Variants in OR4F15 observed in about 807,000 individuals in gnomAD.
OR4F15 encodes olfactory receptor family 4 subfamily F member 15.
Under a neutral mutation model 11.9 loss-of-function variants are expected in OR4F15, and 7 were observed. That is an observed-to-expected ratio of 0.59 (90% CI 0.33 to 1.10). OR4F15 has a LOEUF of 1.10. Among genes scored for constraint, OR4F15 ranks in the 50% least tolerant of loss-of-function variants. The pLI, the probability that OR4F15 is intolerant of heterozygous loss-of-function variation, is 0.03. For synonymous variants in OR4F15, 151 were observed against 134.6 expected (o/e 1.12, Z -0.84); for missense variants, 445 against 377.5 (o/e 1.18, Z -1.48).
At chr15:101,815,921 C>T (rs1902981084) in intron 1 of OR4F15, among the ~76,000 whole-genome samples, 1 of 152,132 alleles carries the variant, frequency 6.6e-6, no homozygotes, top group Non-Finnish European at 1.5e-5. Flanking sequence ...TCAGAAGTCA[C>T]TAATGTGTAG....
intron 1 of OR4F15, among the ~76,000 whole-genome samples, chr15:101,812,752 T>C (rs1448537412): frequency 1.3e-5 from 2 of 152,194 alleles, no homozygotes; most frequent in Non-Finnish European, 2.9e-5. Flanking sequence ...ATCTGGGTTT[T>C]TAACTCACCC....
rs199912241 is a variant in OR4F15 at position 101,819,097 on chromosome 15, G to A, written c.911G>A (p.Arg304His). The part of the protein sequence containing the change: ...MKVAMRRLCS[R>H]LAHFTKIL ...GTGGCAATGAGGAGACTGTGCAGTC[G>A]TCTTGCGCATTTTACAAAGATTTTG... is the stretch of plus-strand genomic sequence containing the variant. The change falls in exon 2 of 2, where the codon CGT becomes CAT. Residue 304 changes from arginine to histidine, a missense_variant. Arg to His is a conservative substitution (Grantham distance 29). Transcript: ENST00000332238. 356 of 1,608,774 alleles carry A rather than the reference G, an allele frequency of 2.2e-4. 1 individual carries two copies. Among genetic ancestry groups the A allele is most frequent in the East Asian group, 1.5e-3 (66 of 44,758 alleles).
intron 1 of OR4F15, among the ~76,000 whole-genome samples, chr15:101,816,924 C>A (rs1208318492): frequency 6.6e-6 from 1 of 152,066 alleles, no homozygotes; most frequent in Non-Finnish European, 1.5e-5. Flanking sequence ...TCTTTTCGGT[C>A]CATATTTTAT....
At position 101,818,185 on chromosome 15, in the gene OR4F15, C is replaced by A. The variant is rs149976046; in HGVS notation, c.-2C>A. 4.8e-4 allele frequency: 762 copies of A among 1,585,844 alleles called. 2 individuals are homozygous for A. Among genetic ancestry groups the A allele is most frequent in the Non-Finnish European group, 6.1e-4 (708 of 1,159,760 alleles). The stretch of plus-strand genomic sequence containing the variant: ...TGAAAACTGATCTTGGAGTCTGAGG[C>A]AATGAATGGAATGAATCACTCTGTG... On this transcript the variant is annotated 5_prime_UTR_variant, in exon 2 of 2. Transcript: ENST00000332238.
In OR4F15 at chr15:101,817,272, C is replaced by G. The variant is rs140698263; in HGVS notation, c.-37-878C>G. Among the ~76,000 whole-genome samples, 52 of 152,262 alleles carry G rather than the reference C, an allele frequency of 3.4e-4. 1 individual carries two copies. In the East Asian group the frequency reaches 9.6e-3, roughly 28 times the overall value. ...TTGAAATAGGGATACTGTGATAATTCCTGACTGGCATGCTGTTAATATACT... is the reference window on the plus strand; with the variant it reads ...TTGAAATAGGGATACTGTGATAATTGCTGACTGGCATGCTGTTAATATACT... On this transcript the variant is annotated intron_variant, in intron 1 of 1. Coordinates refer to ENST00000332238, the MANE Select transcript of OR4F15 (RefSeq NM_001001674.2).
At chr15:101,815,964 C>T (rs1164144241) in intron 1 of OR4F15, among the ~76,000 whole-genome samples, 2 of 152,102 alleles carry the variant, frequency 1.3e-5, no homozygotes, top group East Asian at 3.9e-4. Context: ...CACCATCTGT[C>T]CCCATTCCCT....
intron 1 of OR4F15, among the ~76,000 whole-genome samples, chr15:101,816,122 C>T (rs958064364): frequency 5.3e-5 from 8 of 152,132 alleles, no homozygotes; most frequent in African/African-American, 1.9e-4. Context: ...TGTTCATGTC[C>T]TAATTCCTGG....
At chr15:101,815,676 C>G (rs563392266) in intron 1 of OR4F15, among the ~76,000 whole-genome samples, 1 of 152,224 alleles carries the variant, frequency 6.6e-6, no homozygotes, top group Admixed American at 6.5e-5. Flanking sequence ...ATGGATTCCA[C>G]AAAAGCAAGA....
chr15:101,813,859 A>G (rs1018151661), intron 1 of OR4F15, among the ~76,000 whole-genome samples: 2 of 152,228 alleles, frequency 1.3e-5, no homozygotes, highest in Non-Finnish European at 2.9e-5. Context: ...AATAGATGAT[A>G]ACTATAATTC....
chr15:101,813,941 G>C (rs995256150), intron 1 of OR4F15, among the ~76,000 whole-genome samples: 1 of 152,162 alleles, frequency 6.6e-6, no homozygotes, highest in African/African-American at 2.4e-5. Context: ...TCTCCTAATG[G>C]CAATGGCCTT....
chr15:101,812,423 C>T (rs1042010865), intron 1 of OR4F15, among the ~76,000 whole-genome samples, 151 bp downstream of exon 1: 2 of 152,154 alleles, frequency 1.3e-5, no homozygotes, highest in Admixed American at 6.5e-5. Context: ...ACTTGGAGAT[C>T]CAAAGGTGCA....
At chr15:101,812,694 T>C (rs561281302) in intron 1 of OR4F15, among the ~76,000 whole-genome samples, 1 of 152,292 alleles carries the variant, frequency 6.6e-6, no homozygotes, top group South Asian at 2.1e-4. Context: ...TCCAGTTTCA[T>C]GGACTCAAGA....
intron 1 of OR4F15, among the ~76,000 whole-genome samples, chr15:101,812,657 C>T (rs1283831340): frequency 6.6e-6 from 1 of 152,114 alleles, no homozygotes; most frequent in Non-Finnish European, 1.5e-5. Context: ...AGATACTAGT[C>T]ATAAGTGAAG....
At chr15:101,812,378 A>T (rs1247852062) in intron 1 of OR4F15, 106 bp downstream of exon 1, 2 of 152,202 alleles carry the variant, frequency 1.3e-5, no homozygotes, top group African/African-American at 4.8e-5. Flanking sequence ...GGAGAACAAG[A>T]ATTAACCTTA....
In OR4F15 at chr15:101,818,684, A is replaced by ACCT. The variant is rs1460995943; in HGVS notation, c.499_501dup (p.Pro167dup). ...TCCAATTAGTTTTTGTGGTAGATTTACCTTTTTGTGGTCCTAATATCTTTG... is the reference window on the plus strand; with the variant it reads ...TCCAATTAGTTTTTGTGGTAGATTTACCTCCTTTTTGTGGTCCTAATATCTTTG... On this transcript the variant is annotated inframe_insertion, in exon 2 of 2. Transcript: ENST00000332238. 6.2e-7 allele frequency: 1 copy of ACCT among 1,613,984 alleles called. No individual in the cohort carries two copies. The highest frequency in any genetic ancestry group is 1.1e-5 in the South Asian group (1 of 91,048).
At chr15:101,815,952 T>C (rs1463775077) in intron 1 of OR4F15, among the ~76,000 whole-genome samples, 1 of 152,166 alleles carries the variant, frequency 6.6e-6, no homozygotes, top group Non-Finnish European at 1.5e-5. Flanking sequence ...AAAGTCAGGA[T>C]GCACCATCTG....
rs1903043391 is a variant in OR4F15 at position 101,818,596 on chromosome 15, G to A, written c.410G>A (p.Ser137Asn). ...CCTCTCCACTACCTGACCATCATGA[G>A]CCCAAGAATGTGTCTATACTTTTTA... ...CKPLHYLTIM[S>N]PRMCLYFLAT... Residue 137 changes from serine (S) to asparagine (N), a missense_variant, in exon 2 of 2, where the codon AGC becomes AAC. Coordinates refer to ENST00000332238, the MANE Select transcript of OR4F15 (RefSeq NM_001001674.2). The A allele has an allele frequency of 1.9e-6, 3 of 1,614,114 alleles. No homozygotes were observed. In the East Asian group the frequency reaches 6.7e-5, roughly 36 times the overall value.
intron 1 of OR4F15, among the ~76,000 whole-genome samples, chr15:101,816,294 T>C (rs9328589): frequency 0.62 from 94,378 of 151,974 alleles, 30,435 homozygotes; most frequent in African/African-American, 0.74. Context: ...AGAGGCAGAA[T>C]GTCATGAGCC....
At position 101,819,449 on chromosome 15, in the gene OR4F15, A is replaced by G. The variant is rs1596374558; in HGVS notation, c.*324A>G. 1 of 209,474 alleles carries G rather than the reference A, an allele frequency of 4.8e-6. No individual in the cohort carries two copies. Among genetic ancestry groups the G allele is most frequent in the East Asian group, 1.1e-4 (1 of 8,748 alleles). The allele number at this position is 209,474 out of a possible 1,614,324, so 13.0% of individuals were successfully genotyped here. A position where few individuals can be genotyped will look rare whatever the true frequency, so the allele number is the denominator to read the frequency against. Reference sequence around the variant, plus strand: ...CTACTGGACAGATTATTCTATTGATAGACAAACTACACATTCAATCTGTTT... The same window carrying G: ...CTACTGGACAGATTATTCTATTGATGGACAAACTACACATTCAATCTGTTT... On this transcript the variant is annotated 3_prime_UTR_variant, in exon 2 of 2. Coordinates refer to ENST00000332238, the MANE Select transcript of OR4F15 (RefSeq NM_001001674.2).
Sources: allele counts gnomAD v4.1 joint callset (sites outside exome capture counted in the v4.1 genomes callset), GRCh38; gene constraint gnomAD v4.1.1; transcripts MANE v1.5; gene names NCBI Gene and HGNC (gene_info 2026-07-23, HGNC 2026-07-21).